VSX2: variants seen among roughly 807,000 people sequenced by gnomAD.
VSX2 encodes the protein ceh-10 homeo domain containing homolog.
VSX2 carries 28 observed loss-of-function variants against 32.1 expected under a neutral mutation model. The observed-to-expected ratio is 0.87, with a 90% confidence interval of 0.65 to 1.20. The LOEUF (loss-of-function observed/expected upper bound fraction) is 1.20. Ranked by LOEUF, VSX2 falls within the 50% of genes most tolerant of loss-of-function variation. The pLI is 0.00. For synonymous variants in VSX2, 243 were observed against 214.1 expected (o/e 1.14, Z -1.18); for missense variants, 506 against 488.7 (o/e 1.04, Z -0.33).
At chr14:74,242,062 C>T (rs2079153782) in intron 2 of VSX2, among the ~76,000 whole-genome samples, 1 of 151,104 alleles carries the variant, frequency 6.6e-6, no homozygotes. Flanking sequence ...CTCCCACCCC[C>T]GCCCTCATTC....
chr14:74,261,109 C>G lies in VSX2; in HGVS notation c.*190C>G, dbSNP rs2079304492. 1 of 648,546 alleles carries G rather than the reference C, an allele frequency of 1.5e-6. No individual in the cohort carries two copies. Among genetic ancestry groups the G allele is most frequent in the Non-Finnish European group, 2.6e-6 (1 of 379,468 alleles). 40.2% of individuals were successfully genotyped at this position (648,546 alleles called of 1,614,324 possible). A position where few individuals can be genotyped will look rare whatever the true frequency, so the allele number is the denominator to read the frequency against. On this transcript the variant is annotated 3_prime_UTR_variant, in exon 5 of 5. Transcript: ENST00000261980. ...TGACTCTGGACCATGCTGAGACATCCCTCATCTAGTCTTGACCTCTCCAGC... is the reference window on the plus strand; with the variant it reads ...TGACTCTGGACCATGCTGAGACATCGCTCATCTAGTCTTGACCTCTCCAGC...
intron 3 of VSX2, among the ~76,000 whole-genome samples, chr14:74,249,953 A>C (rs1170879485): frequency 6.6e-6 from 1 of 152,058 alleles, no homozygotes; most frequent in Non-Finnish European, 1.5e-5. Flanking sequence ...TTGTGTCTTA[A>C]ATAAATAAAT....
At chr14:74,257,715 C>CT (rs1555388432) in intron 3 of VSX2, among the ~76,000 whole-genome samples, 71 of 149,468 alleles carry the variant, frequency 4.8e-4, no homozygotes, top group East Asian at 8.3e-4. Context: ...GACCACCCCC[C>CT]ACCCACTTCC....
chr14:74,256,577 CT>C (rs2139643550), intron 3 of VSX2, among the ~76,000 whole-genome samples: 1 of 152,200 alleles, frequency 6.6e-6, no homozygotes, highest in African/African-American at 2.4e-5. Flanking sequence ...CTCTCCAGCC[CT>C]CTGTGGTCAC....
chr14:74,249,556 C>T lies in VSX2; in HGVS notation c.579+4268C>T, dbSNP rs143750566. ...AAGTGCTGGGATTACAGGTGTAAAC[C>T]ACCATGCCCGGCATGCTTCATTTCA... On this transcript the variant is annotated intron_variant, in intron 3 of 4. Coordinates refer to ENST00000261980, the MANE Select transcript of VSX2 (RefSeq NM_182894.3). Among the ~76,000 whole-genome samples, 11 of 152,292 alleles carry T rather than the reference C, an allele frequency of 7.2e-5. No individual in the cohort carries two copies. The East Asian group carries it at 2.1e-3, about 29-fold the overall frequency.
At chr14:74,259,325 C>G (rs1594758661) in intron 3 of VSX2, among the ~76,000 whole-genome samples, 1 of 152,138 alleles carries the variant, frequency 6.6e-6, no homozygotes, top group Non-Finnish European at 1.5e-5. Context: ...CAGCTGCAAA[C>G]AGTCGATGAC....
At chr14:74,246,584 G>T (rs1303024326) in intron 3 of VSX2, among the ~76,000 whole-genome samples, 2 of 152,184 alleles carry the variant, frequency 1.3e-5, no homozygotes, top group African/African-American at 4.8e-5. Context: ...AGGTAAGCTG[G>T]GCGTTGATGT....
At chr14:74,260,036 C>T (rs950622735) in intron 4 of VSX2, among the ~76,000 whole-genome samples, 1 of 152,164 alleles carries the variant, frequency 6.6e-6, no homozygotes, top group African/African-American at 2.4e-5. Flanking sequence ...ATTATTTTGT[C>T]CTGTGAGAAC....
chr14:74,248,572 T>G (rs1425445452), intron 3 of VSX2, among the ~76,000 whole-genome samples: 1 of 151,770 alleles, frequency 6.6e-6, no homozygotes, highest in Non-Finnish European at 1.5e-5. Context: ...AAGCCTGTGG[T>G]CCCAGCTACT....
chr14:74,245,149 G>A lies in VSX2; in HGVS notation c.456-16G>A. On this transcript the variant is annotated splice_polypyrimidine_tract_variant and intron_variant, in intron 2 of 4. Coordinates refer to ENST00000261980, the MANE Select transcript of VSX2 (RefSeq NM_182894.3). The stretch of plus-strand genomic sequence containing the variant: ...TAGTTTCTGGGGTCCTGAGTGTTCG[G>A]TCTTGCTCCCCTCAGGACAATCTTT... The A allele has an allele frequency of 6.2e-7, 1 of 1,613,570 alleles. No individual in the cohort carries two copies. The highest frequency in any genetic ancestry group is 2.2e-5 in the East Asian group (1 of 44,854).
chr14:74,261,131 C>T lies in VSX2; in HGVS notation c.*212C>T. 1 of 594,334 alleles carries T rather than the reference C, an allele frequency of 1.7e-6. No individual in the cohort carries two copies. The highest frequency in any genetic ancestry group is 3.0e-6 in the Non-Finnish European group (1 of 338,116). 36.8% of individuals were successfully genotyped at this position (594,334 alleles called of 1,614,324 possible). ...ATCCCTCATCTAGTCTTGACCTCTC[C>T]AGCATCCCAGCCTCAGAAGCCTTCT... On this transcript the variant is annotated 3_prime_UTR_variant, in exon 5 of 5. Transcript: ENST00000261980.
At chr14:74,249,071 C>T (rs937060162) in intron 3 of VSX2, among the ~76,000 whole-genome samples, 8 of 152,206 alleles carry the variant, frequency 5.3e-5, no homozygotes, top group Admixed American at 1.3e-4. Flanking sequence ...GCGATGTAGA[C>T]GCGGAAAGGC....
intron 3 of VSX2, among the ~76,000 whole-genome samples, chr14:74,257,409 C>T (rs900375522): frequency 1.1e-4 from 17 of 152,260 alleles, no homozygotes; most frequent in Non-Finnish European, 2.1e-4. Flanking sequence ...AGCAAAAGTG[C>T]TGCCCAAACG....
At chr14:74,246,569 T>C (rs2079193209) in intron 3 of VSX2, among the ~76,000 whole-genome samples, 1 of 152,260 alleles carries the variant, frequency 6.6e-6, no homozygotes, top group South Asian at 2.1e-4. Context: ...AATTGGGTTC[T>C]TGTGAGGTAA....
intron 3 of VSX2, among the ~76,000 whole-genome samples, chr14:74,257,892 C>T (rs961114927): frequency 2.0e-5 from 3 of 152,336 alleles, no homozygotes; most frequent in Non-Finnish European, 4.4e-5. Context: ...GAGCGTCCCA[C>T]TCATCACGCC....
At chr14:74,249,725 C>G (rs911456161) in intron 3 of VSX2, among the ~76,000 whole-genome samples, 5 of 152,158 alleles carry the variant, frequency 3.3e-5, no homozygotes, top group Non-Finnish European at 7.3e-5. Flanking sequence ...ATGAGATAGA[C>G]ATGAATGCCT....
intron 3 of VSX2, among the ~76,000 whole-genome samples, chr14:74,247,407 G>C (rs1025932535): frequency 3.9e-5 from 6 of 152,308 alleles, no homozygotes; most frequent in African/African-American, 1.4e-4. Flanking sequence ...CTGTACAATG[G>C]GGGTGACAGT....
intron 3 of VSX2, among the ~76,000 whole-genome samples, chr14:74,245,621 T>G (rs1331792252): frequency 2.0e-5 from 3 of 151,402 alleles, no homozygotes; most frequent in Non-Finnish European, 4.4e-5. Flanking sequence ...GAGGCGGAGG[T>G]CCCTTTGGTA....
At position 74,254,784 on chromosome 14, in the gene VSX2, A is replaced by ATTTTT. The variant is rs537753574; in HGVS notation, c.580-4809_580-4805dup. On this transcript the variant is annotated intron_variant, in intron 3 of 4. Transcript: ENST00000261980. Reference sequence around the variant, plus strand: ...ATCCTCCAAAAACCCCGAAAAGTGGATTTTTTTTTTTTTGAGACGCAGTCT... The same window carrying ATTTTT: ...ATCCTCCAAAAACCCCGAAAAGTGGATTTTTTTTTTTTTTTTTTGAGACGCAGTCT... 3.0e-4 allele frequency among the ~76,000 whole-genome samples: 35 copies of ATTTTT among 116,642 alleles called. 2 individuals are homozygous for ATTTTT. The highest frequency in any genetic ancestry group is 7.6e-4 in the African/African-American group (23 of 30,334). 76.5% of individuals were successfully genotyped at this position (116,642 alleles called of 152,430 possible).
Sources: gnomAD v4.1 joint callset for allele counts (sites outside exome capture counted in the v4.1 genomes callset) on GRCh38, gnomAD v4.1.1 for gene constraint, MANE v1.5 for transcripts, NCBI Gene and HGNC (gene_info 2026-07-23, HGNC 2026-07-21) for gene names.